Variants in SEMA3D observed in about 807,000 individuals in gnomAD.
The protein encoded by SEMA3D is semaphorin-3D.
SEMA3D carries 84 observed loss-of-function variants against 100.1 expected under a neutral mutation model. The ratio of observed to expected loss-of-function variants is 0.84; its 90% CI spans 0.70 to 1.01. The LOEUF is 1.01. Ranked by LOEUF, SEMA3D falls within the 50% of genes least tolerant of loss-of-function variation. SEMA3D has a pLI of 0.00. For synonymous variants in SEMA3D, 312 were observed against 320.7 expected (o/e 0.97, Z 0.29); for missense variants, 875 against 934.1 (o/e 0.94, Z 0.82).
intron 8 of SEMA3D, among the ~76,000 whole-genome samples, chr7:85,062,994 C>T (rs1237192061): frequency 6.6e-6 from 1 of 152,088 alleles, no homozygotes; most frequent in Non-Finnish European, 1.5e-5. Flanking sequence ...TCACTTCTAC[C>T]TCCCACTGCT....
intron 1 of SEMA3D, among the ~76,000 whole-genome samples, chr7:85,176,328 T>G (rs1791225159): frequency 6.6e-6 from 1 of 152,186 alleles, no homozygotes; most frequent in Non-Finnish European, 1.5e-5. Flanking sequence ...CTTAGTCTTT[T>G]CAGACACTTC....
intron 6 of SEMA3D, among the ~76,000 whole-genome samples, chr7:85,070,370 T>C (rs1791737215): frequency 6.6e-6 from 1 of 152,210 alleles, no homozygotes; most frequent in African/African-American, 2.4e-5. Context: ...GTCAGGAATC[T>C]GGGATTCATC....
At chr7:85,128,647 T>C (rs899743743) in intron 2 of SEMA3D, among the ~76,000 whole-genome samples, 1 of 151,896 alleles carries the variant, frequency 6.6e-6, no homozygotes, top group African/African-American at 2.4e-5. Context: ...TATATGTCCA[T>C]TTAATATTTC....
At chr7:85,033,566 C>G (rs1318208172) in intron 12 of SEMA3D, among the ~76,000 whole-genome samples, 1 of 152,066 alleles carries the variant, frequency 6.6e-6, no homozygotes, top group Non-Finnish European at 1.5e-5. Context: ...TATTATAGGA[C>G]TCAACTGCTG....
chr7:85,070,202 G>C (rs565780727), intron 6 of SEMA3D, among the ~76,000 whole-genome samples: 28 of 152,318 alleles, frequency 1.8e-4, no homozygotes, highest in African/African-American at 6.3e-4. Flanking sequence ...CAGCAGCACT[G>C]ACTTCCTTCC....
the SEMA3D span, among the ~76,000 whole-genome samples, chr7:85,231,044 G>A: frequency 6.6e-6 from 1 of 152,156 alleles, no homozygotes; most frequent in Non-Finnish European, 1.5e-5. Flanking sequence ...TTCTTGGTAT[G>A]TAGATGTTGT....
chr7:85,141,161 A>G (rs1234407106), intron 2 of SEMA3D: 2 of 984,638 alleles, frequency 2.0e-6, no homozygotes, highest in Non-Finnish European at 2.4e-6. Flanking sequence ...TTCTAAGCAC[A>G]TTATAACTAG....
chr7:85,115,912 TA>T (rs1789227089), intron 3 of SEMA3D, among the ~76,000 whole-genome samples: 1 of 152,152 alleles, frequency 6.6e-6, no homozygotes, highest in African/African-American at 2.4e-5. Context: ...TTTTCCAACT[TA>T]ACTCTTGCAT....
intron 5 of SEMA3D, among the ~76,000 whole-genome samples, chr7:85,076,563 A>G (rs1341784362): frequency 6.6e-6 from 1 of 152,234 alleles, no homozygotes; most frequent in East Asian, 1.9e-4. Flanking sequence ...AAACAGCTTT[A>G]TATCTATTCT....
At chr7:85,134,904 T>C (rs758192500) in intron 2 of SEMA3D, among the ~76,000 whole-genome samples, 13 of 152,006 alleles carry the variant, frequency 8.6e-5, no homozygotes, top group African/African-American at 2.9e-4. Context: ...ACTATAGATG[T>C]TATAAAGATT....
intron 17 of SEMA3D, among the ~76,000 whole-genome samples, chr7:85,010,596 T>C (rs6959903): frequency 0.32 from 48,167 of 151,574 alleles, 7,738 homozygotes; most frequent in African/African-American, 0.35. Flanking sequence ...AGAAAGAAAA[T>C]AATATAAAAG....
intron 18 of SEMA3D, among the ~76,000 whole-genome samples, chr7:85,004,413 CTTG>C (rs1271460932): frequency 6.6e-6 from 1 of 151,990 alleles, no homozygotes; most frequent in African/African-American, 2.4e-5. Flanking sequence ...ATAGTATGGC[CTTG>C]TTTACTTATT....
Position 84,995,722 on chromosome 7 carries a change from A to C in SEMA3D, c.*3718T>G, listed in dbSNP as rs1421869432. On this transcript the variant is annotated 3_prime_UTR_variant, in exon 19 of 19. Coordinates refer to ENST00000284136, the MANE Select transcript of SEMA3D (RefSeq NM_001384900.1). Reference sequence around the variant, plus strand: ...ACTCACAATACCAGAATTAAATTACATGATTAACTAGGGCATCTGACACAT... The same window carrying C: ...ACTCACAATACCAGAATTAAATTACCTGATTAACTAGGGCATCTGACACAT... 6.6e-6 allele frequency: 1 copy of C among 152,044 alleles called. No homozygotes were observed. The allele number at this position is 152,044 out of a possible 1,614,324, so 9.4% of individuals were successfully genotyped here.
At chr7:85,142,810 G>C in intron 2 of SEMA3D, 1 of 984,656 alleles carries the variant, frequency 1.0e-6, no homozygotes, top group Non-Finnish European at 1.2e-6. Flanking sequence ...TCTCTCTTCG[G>C]CTGGGTGATG....
At chr7:85,144,896 G>A (rs1042968112) in intron 2 of SEMA3D, among the ~76,000 whole-genome samples, 2 of 152,082 alleles carry the variant, frequency 1.3e-5, no homozygotes, top group African/African-American at 2.4e-5. Context: ...ATTTATCTAA[G>A]GAGAACAGAT....
chr7:85,134,695 A>C, intron 2 of SEMA3D, among the ~76,000 whole-genome samples: 1 of 152,010 alleles, frequency 6.6e-6, no homozygotes, highest in Non-Finnish European at 1.5e-5. Context: ...GTCAGATGTG[A>C]GTATTTATTT....
intron 9 of SEMA3D, among the ~76,000 whole-genome samples, chr7:85,045,735 G>T (rs1380203164): frequency 4.0e-5 from 6 of 151,830 alleles, no homozygotes; most frequent in Admixed American, 2.0e-4. Flanking sequence ...GGATTCCAGT[G>T]AGAAGATGTA....
chr7:85,110,390 T>C (rs898481091), intron 3 of SEMA3D, among the ~76,000 whole-genome samples: 1 of 152,000 alleles, frequency 6.6e-6, no homozygotes, highest in African/African-American at 2.4e-5. Context: ...TATCTACTTA[T>C]GTGACCCTAG....
intron 2 of SEMA3D, chr7:85,143,206 C>T (rs1790106167): frequency 2.2e-6 from 2 of 918,888 alleles, no homozygotes; most frequent in South Asian, 5.0e-5. Flanking sequence ...AAGTGATTAG[C>T]AGAATGTCTA....
Sources: gnomAD v4.1 joint callset for allele counts (sites outside exome capture counted in the v4.1 genomes callset) on GRCh38, gnomAD v4.1.1 for gene constraint, MANE v1.5 for transcripts, NCBI Gene and HGNC (gene_info 2026-07-23, HGNC 2026-07-21) for gene names.